Variants in DLGAP4 observed in about 807,000 individuals in gnomAD.
DLGAP4 encodes DLG associated protein 4, also known as disks large-associated protein 4.
Under a neutral mutation model 86.9 loss-of-function variants are expected in DLGAP4, and 18 were observed. That is an observed-to-expected ratio of 0.21 (90% CI 0.14 to 0.31). DLGAP4 has a LOEUF of 0.31. DLGAP4 is among the 10% of genes least tolerant of loss of function. DLGAP4 has a pLI of 1.00. For synonymous variants in DLGAP4, 548 were observed against 574.3 expected (o/e 0.95, Z 0.65); for missense variants, 1,085 against 1,362.6 (o/e 0.80, Z 3.21).
intron 2 of DLGAP4, among the ~76,000 whole-genome samples, chr20:36,369,697 CTGGGTGG>C (rs2030847593): frequency 6.6e-6 from 1 of 152,144 alleles, no homozygotes; most frequent in Non-Finnish European, 1.5e-5. Context: ...CAGCAGTGAC[CTGGGTGG>C]TGGTTACATG....
intron 7 of DLGAP4, among the ~76,000 whole-genome samples, chr20:36,472,006 C>T (rs556171371): frequency 4.0e-4 from 61 of 152,208 alleles, no homozygotes; most frequent in Middle Eastern, 3.4e-3. Context: ...TCGGTAGATC[C>T]GAGAGAGGTG....
intron 10 of DLGAP4, among the ~76,000 whole-genome samples, chr20:36,517,557 G>A (rs1000576460): frequency 3.3e-5 from 5 of 151,954 alleles, no homozygotes; most frequent in African/African-American, 7.2e-5. Context: ...GTGAGCCACC[G>A]TGCCCGGCCT....
intron 1 of DLGAP4, among the ~76,000 whole-genome samples, chr20:36,363,065 A>G (rs1306707689): frequency 6.6e-6 from 1 of 152,210 alleles, no homozygotes; most frequent in Admixed American, 6.5e-5. Flanking sequence ...CTCAATGACA[A>G]GATCAGGTCT....
intron 1 of DLGAP4, among the ~76,000 whole-genome samples, chr20:36,341,018 G>C (rs370418345): frequency 6.6e-6 from 1 of 152,196 alleles, no homozygotes; most frequent in South Asian, 2.1e-4. Context: ...TGCTCCAGGC[G>C]GTAGCTCTGA....
intron 10 of DLGAP4, chr20:36,508,186 C>T (rs368019097): frequency 5.4e-4 from 83 of 152,298 alleles, no homozygotes; most frequent in African/African-American, 1.9e-3. Context: ...ATCAAGGTTT[C>T]AGAAGAGGAG....
chr20:36,350,471 A>G lies in DLGAP4; in HGVS notation c.-303-16574A>G, dbSNP rs1360772684. Among the ~76,000 whole-genome samples the G allele has an allele frequency of 6.6e-6, 1 of 152,102 alleles. No homozygotes were observed. Among genetic ancestry groups the G allele is most frequent in the East Asian group, 1.9e-4 (1 of 5,192 alleles). Reference sequence around the variant, plus strand: ...GACACTCAGAATTCAACTTCCTTCAATATCTCAATTTGCAGGTGCTTAATG... The same window carrying G: ...GACACTCAGAATTCAACTTCCTTCAGTATCTCAATTTGCAGGTGCTTAATG... On this transcript the variant is annotated intron_variant, in intron 1 of 12. Coordinates refer to ENST00000339266, the MANE Select transcript of DLGAP4 (RefSeq NM_001365621.2). This position sits in a 1 kb window ranked among gnomAD's most constrained non-coding sequence, Gnocchi z 4.4.
At chr20:36,406,488 C>T (rs1253105270) in intron 2 of DLGAP4, among the ~76,000 whole-genome samples, 3 of 151,630 alleles carry the variant, frequency 2.0e-5, no homozygotes, top group Non-Finnish European at 2.9e-5. Context: ...GTGTCTTGGT[C>T]ACAGGGCTGG....
At chr20:36,461,748 T>TCCGCCCGCCCGCCCGCCCGC in intron 7 of DLGAP4, 4 of 852,112 alleles carry the variant, frequency 4.7e-6, no homozygotes, top group Non-Finnish European at 5.4e-6. Context: ...CGTCCGTCCG[T>TCCGCCCGCCCGCCCGCCCGC]CCGCCCGCCC....
At chr20:36,388,918 A>G (rs550676607) in intron 2 of DLGAP4, among the ~76,000 whole-genome samples, 1 of 152,282 alleles carries the variant, frequency 6.6e-6, no homozygotes, top group East Asian at 1.9e-4. Flanking sequence ...AAGGACCACC[A>G]TTGCATCCTC....
intron 2 of DLGAP4, among the ~76,000 whole-genome samples, chr20:36,390,488 A>G (rs1177838368): frequency 3.9e-5 from 6 of 152,012 alleles, no homozygotes; most frequent in Non-Finnish European, 8.8e-5. Context: ...GTCATTAACC[A>G]CCTACTGCCT....
At chr20:36,371,076 G>A (rs2030913544) in intron 2 of DLGAP4, among the ~76,000 whole-genome samples, 1 of 152,208 alleles carries the variant, frequency 6.6e-6, no homozygotes, top group Non-Finnish European at 1.5e-5. Context: ...GAGCTGCTCT[G>A]CCAGACTCCA....
At chr20:36,353,456 T>C (rs2030226440) in intron 1 of DLGAP4, among the ~76,000 whole-genome samples, 1 of 152,250 alleles carries the variant, frequency 6.6e-6, no homozygotes, top group African/African-American at 2.4e-5. Flanking sequence ...AGGCCCCTTC[T>C]GCTGTCTCCC....
intron 10 of DLGAP4, among the ~76,000 whole-genome samples, chr20:36,511,509 C>A (rs569927416): frequency 6.6e-6 from 1 of 152,134 alleles, no homozygotes; most frequent in East Asian, 1.9e-4. Flanking sequence ...TGGCCTCCTG[C>A]ATATTTTTAT....
At chr20:36,318,102 CCTCTCACA>C (rs1479554221) in intron 1 of DLGAP4, among the ~76,000 whole-genome samples, 29 of 117,228 alleles carry the variant, frequency 2.5e-4, no homozygotes, top group Middle Eastern at 4.3e-3. Context: ...ATAAATGTGT[CCTCTCACA>C]CACACACACA....
At chr20:36,406,503 G>A (rs1347389458) in intron 2 of DLGAP4, among the ~76,000 whole-genome samples, 1 of 151,896 alleles carries the variant, frequency 6.6e-6, no homozygotes, top group Non-Finnish European at 1.5e-5. Flanking sequence ...GGCTGGGTCT[G>A]TTCTGCAAGG....
chr20:36,497,238 C>T, intron 8 of DLGAP4, 172 bp downstream of exon 8: 2 of 985,442 alleles, frequency 2.0e-6, no homozygotes, highest in Non-Finnish European at 2.4e-6. Context: ...CCACGCCTCG[C>T]TGGTATCTGT....
At chr20:36,474,223 G>A (rs1206266660) in intron 7 of DLGAP4, among the ~76,000 whole-genome samples, 1 of 152,236 alleles carries the variant, frequency 6.6e-6, no homozygotes, top group Non-Finnish European at 1.5e-5. Flanking sequence ...GGATTGGGTG[G>A]GCTGTTTGGA....
rs1018392157 is a variant in DLGAP4, at chr20:36,527,941, A to G, written c.*910A>G. 4 of 152,590 alleles carry G rather than the reference A, an allele frequency of 2.6e-5. No individual in the cohort carries two copies. Among genetic ancestry groups the G allele is most frequent in the African/African-American group, 9.6e-5 (4 of 41,456 alleles). The allele number at this position is 152,590 out of a possible 1,614,324, so 9.5% of individuals were successfully genotyped here. On this transcript the variant is annotated 3_prime_UTR_variant, in exon 13 of 13. Transcript: ENST00000339266. ...CGGCGGTGTCTGTATGTATGTGTAC[A>G]TATGCACATAGACCTTAGAGTGTAT...
rs114649816 is a variant in DLGAP4, at chr20:36,337,935, G to A, written c.-303-29110G>A. 4.9e-3 allele frequency among the ~76,000 whole-genome samples: 746 copies of A among 152,330 alleles called. 9 individuals carry two copies. Among genetic ancestry groups the A allele is most frequent in the African/African-American group, 0.017 (724 of 41,580 alleles). ...CACCACTATGCCAAGAGGGAATGGG[G>A]CTTGGCCTGTGCCAGGATGAGGAAG... is the stretch of plus-strand genomic sequence containing the variant. On this transcript the variant is annotated intron_variant, in intron 1 of 12. Coordinates refer to ENST00000339266, the MANE Select transcript of DLGAP4 (RefSeq NM_001365621.2).
Sources: gnomAD v4.1 joint callset for allele counts (sites outside exome capture counted in the v4.1 genomes callset) on GRCh38, gnomAD v4.1.1 for gene constraint, Gnocchi (gnomAD v3.1) non-coding constraint, MANE v1.5 for transcripts, NCBI Gene and HGNC (gene_info 2026-07-23, HGNC 2026-07-21) for gene names.